Variants in GRAMD2A observed in about 807,000 individuals in gnomAD.
GRAMD2A encodes GRAM domain containing 2A.
In GRAMD2A, 37 loss-of-function variants were observed where a neutral mutation model predicts 51.1. That is an observed-to-expected ratio of 0.72 (90% CI 0.56 to 0.95). The LOEUF is 0.95. Among genes scored for constraint, GRAMD2A ranks in the 40% least tolerant of loss-of-function variants. GRAMD2A has a pLI of 0.00. For missense variants in GRAMD2A, 414 were observed against 426.9 expected, an observed-to-expected ratio of 0.97 and a Z score of 0.27; for synonymous variants, 136 against 157.1, an observed-to-expected ratio of 0.87 and a Z score of 1.01.
chr15:72,163,268 C>T lies in GRAMD2A; in HGVS notation c.954G>A (p.Val318=). 1 of 1,612,364 alleles carries T rather than the reference C, an allele frequency of 6.2e-7. No homozygotes were observed. Among genetic ancestry groups the T allele is most frequent in the Non-Finnish European group, 8.5e-7 (1 of 1,178,424 alleles). The change falls in exon 10 of 12, where the codon GTG becomes GTA. Residue 318 remains valine, a splice_region_variant and synonymous_variant. Transcript: ENST00000309731. ...CCCTCCCCAGTATAGTCACTTACAG[C>T]ACAAAGAAGACCTTGAGGAGCCGGT... ...WDYRLLKVFF[V]LICFLVMSSS...
At chr15:72,194,068 C>T (rs541044590) in intron 1 of GRAMD2A, among the ~76,000 whole-genome samples, 1 of 152,208 alleles carries the variant, frequency 6.6e-6, no homozygotes, top group Non-Finnish European at 1.5e-5. Flanking sequence ...GGAATTAAAG[C>T]TTCAAAGGTT....
chr15:72,172,273 C>T (rs2081618164), intron 1 of GRAMD2A, among the ~76,000 whole-genome samples: 1 of 151,992 alleles, frequency 6.6e-6, no homozygotes, highest in Non-Finnish European at 1.5e-5. Flanking sequence ...AATGCTCCAC[C>T]ATGCCGGGCT....
At position 72,166,745 on chromosome 15, in the gene GRAMD2A, A is replaced by G. The variant is rs2081550070; in HGVS notation, c.472-42T>C. 1 of 1,542,028 alleles carries G rather than the reference A, an allele frequency of 6.5e-7. No individual in the cohort carries two copies. On this transcript the variant is annotated intron_variant, in intron 6 of 11. Coordinates refer to ENST00000309731, the MANE Select transcript of GRAMD2A (RefSeq NM_001012642.3). The surrounding 1 kb of genome is among the most constrained non-coding windows in gnomAD (Gnocchi z 4.1). ...AAACAGACAGGGGTAGGGTGAGATG[A>G]GACTCCTTGCTGTGCCAGCCAGCCC... is the stretch of plus-strand genomic sequence containing the variant.
At chr15:72,195,079 A>G (rs957180449) in intron 1 of GRAMD2A, among the ~76,000 whole-genome samples, 1 of 152,152 alleles carries the variant, frequency 6.6e-6, no homozygotes, top group Non-Finnish European at 1.5e-5. Context: ...CACTGGCCCA[A>G]ATTTTTTCAC....
At chr15:72,187,140 A>T (rs1248024009) in intron 1 of GRAMD2A, among the ~76,000 whole-genome samples, 2 of 151,986 alleles carry the variant, frequency 1.3e-5, no homozygotes, top group Non-Finnish European at 2.9e-5. Flanking sequence ...AGCCTGGGCA[A>T]CAAGAGCAAA....
chr15:72,195,739 G>C (rs1403401783), intron 1 of GRAMD2A, among the ~76,000 whole-genome samples: 1 of 152,104 alleles, frequency 6.6e-6, no homozygotes, highest in East Asian at 1.9e-4. Flanking sequence ...GACCAACATG[G>C]AGAAACCCCG....
chr15:72,163,969 C>T (rs1013025951), intron 8 of GRAMD2A: 2 of 521,244 alleles, frequency 3.8e-6, no homozygotes, highest in Non-Finnish European at 6.7e-6. Context: ...GCTATTCTGC[C>T]AGCAAACGAT....
At chr15:72,165,953 C>G (rs1045764675) in intron 7 of GRAMD2A, among the ~76,000 whole-genome samples, 3 of 152,070 alleles carry the variant, frequency 2.0e-5, no homozygotes, top group Non-Finnish European at 2.9e-5. Flanking sequence ...ACTACAACCT[C>G]CTCCTCCCGG....
intron 1 of GRAMD2A, among the ~76,000 whole-genome samples, chr15:72,183,598 G>A (rs571862389): frequency 7.2e-5 from 11 of 152,106 alleles, no homozygotes; most frequent in Non-Finnish European, 1.2e-4. Context: ...GGGAGGCCGA[G>A]GCAGGTGAAT....
chr15:72,174,328 A>C (rs938130645), intron 1 of GRAMD2A, among the ~76,000 whole-genome samples: 2 of 152,170 alleles, frequency 1.3e-5, no homozygotes, highest in East Asian at 3.9e-4. Context: ...TCAAGAGCAC[A>C]GGGCTCAGCC....
intron 2 of GRAMD2A, 93 bp from the exon 3 acceptor site, chr15:72,169,089 C>T: frequency 8.8e-7 from 1 of 1,140,810 alleles, no homozygotes; most frequent in Non-Finnish European, 1.3e-6. Flanking sequence ...GAGCCAGAAG[C>T]TTGAGGCAGA....
At chr15:72,164,981 A>T (rs2081525867) in intron 8 of GRAMD2A, among the ~76,000 whole-genome samples, 1 of 152,220 alleles carries the variant, frequency 6.6e-6, no homozygotes, top group Non-Finnish European at 1.5e-5. Flanking sequence ...TCTACTAAAA[A>T]TACAAAAATT....
intron 1 of GRAMD2A, among the ~76,000 whole-genome samples, chr15:72,174,393 G>A (rs902478810): frequency 3.3e-5 from 5 of 152,060 alleles, no homozygotes; most frequent in African/African-American, 4.8e-5. Flanking sequence ...ACTTTTTGTC[G>A]CGCTAGGTGT....
At position 72,160,378 on chromosome 15, in the gene GRAMD2A, T is replaced by C. The variant is rs558644494; in HGVS notation, c.*1631A>G. The C allele has an allele frequency of 1.3e-5, 2 of 148,180 alleles. No individual in the cohort carries two copies. Among genetic ancestry groups the C allele is most frequent in the South Asian group, 4.3e-4 (2 of 4,612 alleles). The allele number at this position is 148,180 out of a possible 1,614,324, so 9.2% of individuals were successfully genotyped here. A position where few individuals can be genotyped will look rare whatever the true frequency, so the allele number is the denominator to read the frequency against. On this transcript the variant is annotated 3_prime_UTR_variant, in exon 12 of 12. Transcript: ENST00000309731. Reference sequence around the variant, plus strand: ...GGATGACCATTCATGGAACAGTGAGTTTCACCTGAGACATACAGATTTGGT... The same window carrying C: ...GGATGACCATTCATGGAACAGTGAGCTTCACCTGAGACATACAGATTTGGT...
chr15:72,181,437 G>T, intron 1 of GRAMD2A, among the ~76,000 whole-genome samples: 1 of 152,312 alleles, frequency 6.6e-6, no homozygotes, highest in East Asian at 1.9e-4. Context: ...TGATACATAC[G>T]TGGGGATCCA....
At chr15:72,176,854 CTTT>C (rs60618044) in intron 1 of GRAMD2A, among the ~76,000 whole-genome samples, 6 of 72,168 alleles carry the variant, frequency 8.3e-5, no homozygotes, top group Admixed American at 1.7e-4. Context: ...ACCTGCAGTG[CTTT>C]TTTTTTTTTT....
intron 1 of GRAMD2A, among the ~76,000 whole-genome samples, chr15:72,197,355 G>A (rs1195191018): frequency 6.6e-6 from 1 of 152,242 alleles, no homozygotes; most frequent in Non-Finnish European, 1.5e-5. Flanking sequence ...CGATACCGCG[G>A]GCAACGAATG....
At chr15:72,165,527 G>C in intron 7 of GRAMD2A, 117 bp from the exon 8 acceptor site, 2 of 1,004,140 alleles carry the variant, frequency 2.0e-6, no homozygotes. Flanking sequence ...CTTTGTGTCA[G>C]GTGAAGCCCA....
intron 5 of GRAMD2A, among the ~76,000 whole-genome samples, chr15:72,167,455 A>C (rs554635263): frequency 3.0e-4 from 45 of 152,374 alleles, no homozygotes; most frequent in African/African-American, 1.1e-3. Flanking sequence ...TCTGATTCTC[A>C]AAGCATTTCT....
Sources: allele counts gnomAD v4.1 joint callset (sites outside exome capture counted in the v4.1 genomes callset), GRCh38; gene constraint gnomAD v4.1.1; non-coding constraint Gnocchi (gnomAD v3.1); transcripts MANE v1.5; gene names NCBI Gene and HGNC (gene_info 2026-07-23, HGNC 2026-07-21).